ZMIZ1: variants seen among roughly 807,000 people sequenced by gnomAD.
ZMIZ1 encodes the protein zinc finger MIZ-type containing 1, also known as zinc finger MIZ domain-containing protein 1.
In ZMIZ1, 17 loss-of-function variants were observed where a neutral mutation model predicts 113.9. That is an observed-to-expected ratio of 0.15 (90% CI 0.10 to 0.22). The LOEUF (loss-of-function observed/expected upper bound fraction) is 0.22. ZMIZ1 is among the 10% of genes least tolerant of loss of function. ZMIZ1 has a pLI of 1.00. For synonymous variants in ZMIZ1, 607 were observed against 603.1 expected (o/e 1.01, Z -0.09); for missense variants, 1,059 against 1,477.8 (o/e 0.72, Z 4.65).
intron 8 of ZMIZ1, among the ~76,000 whole-genome samples, chr10:79,288,968 G>C (rs925221305): frequency 6.6e-6 from 1 of 152,204 alleles, no homozygotes; most frequent in Non-Finnish European, 1.5e-5. Context: ...AGAGGAGGCA[G>C]TGTTTAGGGG....
chr10:79,278,708 A>G (rs1045181649), intron 8 of ZMIZ1, among the ~76,000 whole-genome samples: 17 of 151,980 alleles, frequency 1.1e-4, no homozygotes, highest in African/African-American at 4.1e-4. Context: ...TAATCCATTT[A>G]ACCCTTAGTG....
Position 79,314,005 on chromosome 10 carries a change from TGG to T in ZMIZ1, c.*1262_*1263del, listed in dbSNP as rs111254709. On this transcript the variant is annotated 3_prime_UTR_variant, in exon 25 of 25. Transcript: ENST00000334512. ...GTGCACCAGTATGTACCTGCAGGCA[TGG>T]GGGGGAGGGGGGCGTGTTTCTGGGC... is the stretch of plus-strand genomic sequence containing the variant. The T allele has an allele frequency of 2.2e-6, 1 of 455,674 alleles. No homozygotes were observed. Among genetic ancestry groups the T allele is most frequent in the Admixed American group, 2.3e-5 (1 of 42,568 alleles). 28.2% of individuals were successfully genotyped at this position (455,674 alleles called of 1,614,324 possible). A position where few individuals can be genotyped will look rare whatever the true frequency, so the allele number is the denominator to read the frequency against.
At position 79,300,697 on chromosome 10, in the gene ZMIZ1, C is replaced by A. The variant is rs1402055923; in HGVS notation, c.1809-35C>A. The A allele has an allele frequency of 6.3e-6, 10 of 1,599,668 alleles. No homozygotes were observed. The African/African-American group carries it at 1.1e-4, about 17-fold the overall frequency. On this transcript the variant is annotated intron_variant, in intron 16 of 24. Transcript: ENST00000334512. ...ACGGAGGCCATGGACAGCCCCCTGG[C>A]AGAGCTGCCCTGAGCACCCTCGTTC...
At chr10:79,298,909 G>T in intron 15 of ZMIZ1, 141 bp from the exon 16 acceptor site, 1 of 1,139,330 alleles carries the variant, frequency 8.8e-7, no homozygotes, top group Non-Finnish European at 1.2e-6. Context: ...TGTGCCCTTG[G>T]ACTGGCTATG....
intron 3 of ZMIZ1, among the ~76,000 whole-genome samples, chr10:79,144,062 C>T (rs550208292): frequency 4.6e-5 from 7 of 152,274 alleles, no homozygotes; most frequent in Non-Finnish European, 7.4e-5. Context: ...CGTGGCAGAG[C>T]GGTGGCAGGA....
chr10:79,105,624 C>T (rs1843528083), intron 1 of ZMIZ1, among the ~76,000 whole-genome samples: 1 of 152,208 alleles, frequency 6.6e-6, no homozygotes, highest in Admixed American at 6.5e-5. Context: ...CAACAGAGAG[C>T]ACCTGCAGGA....
chr10:79,199,311 T>A (rs576604645), intron 4 of ZMIZ1, among the ~76,000 whole-genome samples: 3 of 152,146 alleles, frequency 2.0e-5, no homozygotes, highest in South Asian at 4.1e-4. Context: ...ATTGAGACCA[T>A]CCTGGCTAAC....
chr10:79,218,761 G>C (rs1031730351), intron 7 of ZMIZ1, among the ~76,000 whole-genome samples: 1 of 152,162 alleles, frequency 6.6e-6, no homozygotes, highest in African/African-American at 2.4e-5. Context: ...AAGAAAAAGA[G>C]AAAGAGCGTC....
intron 7 of ZMIZ1, among the ~76,000 whole-genome samples, chr10:79,222,961 G>A (rs1849041055): frequency 6.6e-6 from 1 of 152,202 alleles, no homozygotes; most frequent in Admixed American, 6.5e-5. Context: ...GTCTTTGAAA[G>A]CAAGCCCTCT....
At chr10:79,081,651 C>T (rs1842662097) in intron 1 of ZMIZ1, among the ~76,000 whole-genome samples, 2 of 152,348 alleles carry the variant, frequency 1.3e-5, no homozygotes, top group East Asian at 1.9e-4. Flanking sequence ...CCTTACTGAG[C>T]TCCTCTCTGC....
At chr10:79,114,506 C>CGTGTGTGTGTGTGTGTGTGTGT (rs57304757) in intron 1 of ZMIZ1, among the ~76,000 whole-genome samples, 1 of 93,190 alleles carries the variant, frequency 1.1e-5, no homozygotes, top group African/African-American at 4.7e-5. Flanking sequence ...TGTGTGTGTG[C>CGTGTGTGTGTGTGTGTGTGTGT]GTGTGTGTGT....
chr10:79,251,638 T>TC (rs1189131559), intron 7 of ZMIZ1, among the ~76,000 whole-genome samples: 4 of 152,088 alleles, frequency 2.6e-5, no homozygotes, highest in Non-Finnish European at 5.9e-5. Flanking sequence ...GAGCAAATAG[T>TC]CCCCCTGCCT....
intron 1 of ZMIZ1, among the ~76,000 whole-genome samples, chr10:79,112,758 G>T (rs999256587): frequency 3.9e-5 from 6 of 152,220 alleles, no homozygotes; most frequent in Admixed American, 1.3e-4. Context: ...CAGCCTGATT[G>T]TCCATGTCAA....
At chr10:79,074,134 C>T (rs1181308020) in intron 1 of ZMIZ1, among the ~76,000 whole-genome samples, 3 of 152,240 alleles carry the variant, frequency 2.0e-5, no homozygotes, top group East Asian at 1.9e-4. Flanking sequence ...AAGCTAGTTA[C>T]TATTTGGAAT....
chr10:79,106,545 C>T (rs910952506), intron 1 of ZMIZ1, among the ~76,000 whole-genome samples: 4 of 152,342 alleles, frequency 2.6e-5, no homozygotes, highest in Admixed American at 1.3e-4. Flanking sequence ...CCCAGCTTGG[C>T]GATCAGTGGG....
At chr10:79,103,540 A>C (rs1288854104) in intron 1 of ZMIZ1, among the ~76,000 whole-genome samples, 3 of 150,756 alleles carry the variant, frequency 2.0e-5, no homozygotes, top group Non-Finnish European at 4.4e-5. Flanking sequence ...GTGGGGGTGG[A>C]GAGGGCATTT....
intron 7 of ZMIZ1, among the ~76,000 whole-genome samples, chr10:79,247,475 C>T (rs1589482374): frequency 1.3e-5 from 2 of 152,318 alleles, no homozygotes; most frequent in Non-Finnish European, 1.5e-5. Flanking sequence ...AGCAGGCAGT[C>T]TGCTGTCCCC....
At chr10:79,286,979 G>A (rs998608886) in intron 8 of ZMIZ1, among the ~76,000 whole-genome samples, 6 of 152,272 alleles carry the variant, frequency 3.9e-5, no homozygotes, top group Non-Finnish European at 8.8e-5. Context: ...TGGGGCAGAA[G>A]TTCTGGGGCG....
chr10:79,070,836 GCCTCCCTC>G (rs34754058), intron 1 of ZMIZ1, among the ~76,000 whole-genome samples: 1 of 150,076 alleles, frequency 6.7e-6, no homozygotes, highest in African/African-American at 2.4e-5. Context: ...CTGCCCGCCT[GCCTCCCTC>G]CCTCCCTCCC....
Sources: allele counts gnomAD v4.1 joint callset (sites outside exome capture counted in the v4.1 genomes callset), GRCh38; gene constraint gnomAD v4.1.1; transcripts MANE v1.5; gene names NCBI Gene and HGNC (gene_info 2026-07-23, HGNC 2026-07-21).